The following BTBD9 variants were observed in gnomAD, a reference collection of about 807,000 sequenced individuals.
The protein encoded by BTBD9 is BTB/POZ domain-containing protein 9.
Under a neutral mutation model 64.3 loss-of-function variants are expected in BTBD9, and 49 were observed. The ratio of observed to expected loss-of-function variants is 0.76; its 90% CI spans 0.61 to 0.97. The LOEUF (loss-of-function observed/expected upper bound fraction) is 0.97, where lower values mean the gene tolerates loss of function less well. Ranked by LOEUF, BTBD9 falls within the 50% of genes least tolerant of loss-of-function variation. The pLI, the probability that BTBD9 is intolerant of heterozygous loss-of-function variation, is 0.00. For missense variants in BTBD9, 598 were observed against 762.1 expected (o/e 0.78, Z 2.53); for synonymous variants, 260 against 274.7 (o/e 0.95, Z 0.53).
intron 7 of BTBD9, among the ~76,000 whole-genome samples, chr6:38,299,647 A>G (rs866493010): frequency 5.0e-4 from 76 of 152,268 alleles, no homozygotes; most frequent in Middle Eastern, 6.8e-3. Flanking sequence ...TGGCTGCATA[A>G]ATATCTTCTT....
intron 1 of BTBD9, among the ~76,000 whole-genome samples, chr6:38,615,989 G>A (rs1004871410): frequency 1.3e-5 from 2 of 152,152 alleles, no homozygotes; most frequent in South Asian, 2.1e-4. Context: ...GAGTGGGCAG[G>A]ACCTGGAAAT....
At chr6:38,370,504 C>A (rs1765374934) in intron 6 of BTBD9, among the ~76,000 whole-genome samples, 3 of 152,198 alleles carry the variant, frequency 2.0e-5, no homozygotes, top group Admixed American at 1.3e-4. Context: ...CACTAACCTA[C>A]ATGACTTTCT....
At chr6:38,517,331 T>C (rs1309859200) in intron 6 of BTBD9, among the ~76,000 whole-genome samples, 1 of 152,238 alleles carries the variant, frequency 6.6e-6, no homozygotes, top group Non-Finnish European at 1.5e-5. Context: ...ACCAAAGTAA[T>C]GCTACAGCAA....
chr6:38,201,068 A>T (rs1762448017), intron 9 of BTBD9, among the ~76,000 whole-genome samples: 1 of 152,094 alleles, frequency 6.6e-6, no homozygotes, highest in Admixed American at 6.6e-5. Context: ...ACCAAAGAGG[A>T]GGGAATACTC....
intron 6 of BTBD9, among the ~76,000 whole-genome samples, chr6:38,494,131 G>T (rs754423596): frequency 6.6e-6 from 1 of 152,196 alleles, no homozygotes; most frequent in African/African-American, 2.4e-5. Context: ...CAGTAGCACA[G>T]CGCCCTCCAG....
chr6:38,211,059 A>G (rs1237110278), intron 9 of BTBD9, among the ~76,000 whole-genome samples: 1 of 152,214 alleles, frequency 6.6e-6, no homozygotes, highest in Non-Finnish European at 1.5e-5. Context: ...ATTGTAGCTG[A>G]GCTCTTTAGG....
At chr6:38,331,429 G>C (rs1430148030) in intron 7 of BTBD9, among the ~76,000 whole-genome samples, 1 of 152,088 alleles carries the variant, frequency 6.6e-6, no homozygotes, top group East Asian at 1.9e-4. Context: ...AGTGAGCTGA[G>C]ATCACGCCAC....
At chr6:38,276,167 C>A (rs1272789375) in intron 8 of BTBD9, among the ~76,000 whole-genome samples, 1 of 151,994 alleles carries the variant, frequency 6.6e-6, no homozygotes, top group Non-Finnish European at 1.5e-5. Context: ...AACTATGCAG[C>A]CATAAAAAAT....
chr6:38,345,074 T>A lies in BTBD9; in HGVS notation c.1174A>T (p.Thr392Ser). 2 of 1,605,516 alleles carry A rather than the reference T, an allele frequency of 1.2e-6. No homozygotes were observed. Among genetic ancestry groups the A allele is most frequent in the Non-Finnish European group, 1.7e-6 (2 of 1,174,360 alleles). ...AAAATCTTGTTCACTGTGTTGTGAG[T>A]CCCAACAATTCGAATATACCTGACG... ...RVCRYIRIVGTHNTVNKIFHI... is the reference protein window; with the variant it reads ...RVCRYIRIVGSHNTVNKIFHI... Residue 392 changes from threonine to serine, a missense_variant, in exon 7 of 11, where the codon ACT becomes TCT. Thr to Ser is a moderately conservative substitution (Grantham distance 58). Coordinates refer to ENST00000481247, the MANE Select transcript of BTBD9 (RefSeq NM_001099272.2).
intron 6 of BTBD9, among the ~76,000 whole-genome samples, chr6:38,532,552 T>C (rs9369065): frequency 0.076 from 11,507 of 151,862 alleles, 1,043 homozygotes; most frequent in East Asian, 0.24. Flanking sequence ...GAGGAAAGGG[T>C]ACCATAAAGA....
At chr6:38,251,039 G>A (rs1483811729) in intron 9 of BTBD9, among the ~76,000 whole-genome samples, 2 of 150,750 alleles carry the variant, frequency 1.3e-5, no homozygotes, top group South Asian at 2.1e-4. Context: ...CCAAGACCGC[G>A]CCATTGCACT....
At chr6:38,257,918 T>C (rs1363292148) in intron 8 of BTBD9, among the ~76,000 whole-genome samples, 3 of 151,832 alleles carry the variant, frequency 2.0e-5, no homozygotes, top group African/African-American at 4.8e-5. Context: ...ATGTAAATAA[T>C]CACTGAGCTA....
chr6:38,310,031 T>G (rs1026536665), intron 7 of BTBD9, among the ~76,000 whole-genome samples: 6 of 152,136 alleles, frequency 3.9e-5, no homozygotes, highest in Admixed American at 2.0e-4. Flanking sequence ...CCAAATCTCT[T>G]GTGCCTTAAC....
chr6:38,202,951 A>G (rs1210622992), intron 9 of BTBD9, among the ~76,000 whole-genome samples: 1 of 152,220 alleles, frequency 6.6e-6, no homozygotes, highest in African/African-American at 2.4e-5. Flanking sequence ...CAAACTATTC[A>G]TCTAACAAGG....
At position 38,250,799 on chromosome 6, in the gene BTBD9, G is replaced by A. The variant is rs1029223688; in HGVS notation, c.1562+5610C>T. On this transcript the variant is annotated intron_variant, in intron 9 of 10. Transcript: ENST00000481247. Reference sequence around the variant, plus strand: ...TAAAAAACAGAAGTTTAGGCCGAGCGAGGTGGCTCACGCCTGTAATCCCAG... The same window carrying A: ...TAAAAAACAGAAGTTTAGGCCGAGCAAGGTGGCTCACGCCTGTAATCCCAG... 1.1e-4 allele frequency among the ~76,000 whole-genome samples: 16 copies of A among 152,322 alleles called. 1 individual carries two copies. In the East Asian group the frequency reaches 3.1e-3, roughly 29 times the overall value.
intron 7 of BTBD9, among the ~76,000 whole-genome samples, chr6:38,319,019 GTC>G (rs990538056): frequency 2.6e-5 from 4 of 152,186 alleles, no homozygotes; most frequent in Non-Finnish European, 1.5e-5. Flanking sequence ...AGCCAGAGGG[GTC>G]TCTCCTCATG....
At chr6:38,305,309 C>A (rs1048803320) in intron 7 of BTBD9, among the ~76,000 whole-genome samples, 2 of 152,156 alleles carry the variant, frequency 1.3e-5, no homozygotes, top group East Asian at 3.9e-4. Flanking sequence ...ACTACCCACA[C>A]CTTCTATTCT....
chr6:38,288,771 T>TA (rs1761847243), intron 7 of BTBD9, among the ~76,000 whole-genome samples: 1 of 150,984 alleles, frequency 6.6e-6, no homozygotes, highest in Admixed American at 6.6e-5. Flanking sequence ...TACTAAAATA[T>TA]AAAAAATCAG....
intron 7 of BTBD9, among the ~76,000 whole-genome samples, chr6:38,336,466 T>C (rs998429327): frequency 2.0e-5 from 3 of 152,248 alleles, no homozygotes; most frequent in South Asian, 4.2e-4. Flanking sequence ...CTTCTTCACA[T>C]GGCAGAAGGA....
Sources: gnomAD v4.1 joint callset for allele counts (sites outside exome capture counted in the v4.1 genomes callset) on GRCh38, gnomAD v4.1.1 for gene constraint, MANE v1.5 for transcripts, NCBI Gene and HGNC (gene_info 2026-07-23, HGNC 2026-07-21) for gene names.